The following SFMBT2 variants were observed in gnomAD, a reference collection of about 807,000 sequenced individuals.
SFMBT2 encodes scm-like with four MBT domains protein 2.
SFMBT2 carries 38 observed loss-of-function variants against 110.1 expected under a neutral mutation model. The observed-to-expected ratio is 0.35, with a 90% CI of 0.27 to 0.45. SFMBT2 has a LOEUF of 0.45. SFMBT2 is among the 20% of genes least tolerant of loss of function. SFMBT2 has a pLI of 1.00. For missense variants in SFMBT2, 1,011 were observed against 1,094.9 expected, an observed-to-expected ratio of 0.92 and a Z score of 1.08; for synonymous variants, 425 against 425.4, an observed-to-expected ratio of 1.00 and a Z score of 0.01.
chr10:7,323,208 C>T (rs1351227298), intron 4 of SFMBT2, among the ~76,000 whole-genome samples: 1 of 152,004 alleles, frequency 6.6e-6, no homozygotes, highest in East Asian at 1.9e-4. Context: ...AATCCCAGCA[C>T]TTTGGGAGGC....
At chr10:7,359,532 G>A (rs1844646965) in intron 4 of SFMBT2, among the ~76,000 whole-genome samples, 1 of 152,224 alleles carries the variant, frequency 6.6e-6, no homozygotes. Flanking sequence ...TTGCTGGGTT[G>A]AGAAGCAGGA....
intron 15 of SFMBT2, among the ~76,000 whole-genome samples, chr10:7,189,725 C>T (rs1352240677): frequency 2.0e-5 from 3 of 152,296 alleles, no homozygotes; most frequent in East Asian, 1.9e-4. Context: ...TCCTGCAGGC[C>T]GTCCGGGTGC....
intron 4 of SFMBT2, among the ~76,000 whole-genome samples, chr10:7,356,939 G>C (rs954091949): frequency 6.6e-6 from 1 of 152,076 alleles, no homozygotes; most frequent in Non-Finnish European, 1.5e-5. Context: ...TACCCACTTC[G>C]TATTGGTTTT....
intron 1 of SFMBT2, among the ~76,000 whole-genome samples, chr10:7,387,305 G>C (rs986997200): frequency 6.6e-6 from 1 of 152,142 alleles, no homozygotes; most frequent in Non-Finnish European, 1.5e-5. Context: ...AGACAGATAA[G>C]TGCTGATACC....
intron 14 of SFMBT2, among the ~76,000 whole-genome samples, chr10:7,199,690 T>G (rs1838892230): frequency 6.6e-6 from 1 of 152,228 alleles, no homozygotes; most frequent in South Asian, 2.1e-4. Context: ...TTACCAGGCC[T>G]GCAGAAAAAC....
At chr10:7,268,389 G>T (rs1841460943) in intron 7 of SFMBT2, among the ~76,000 whole-genome samples, 2 of 152,164 alleles carry the variant, frequency 1.3e-5, no homozygotes, top group African/African-American at 4.8e-5. Flanking sequence ...AAAATAAAAA[G>T]CTTTTATGGA....
At chr10:7,388,710 A>T (rs1845688654) in intron 1 of SFMBT2, among the ~76,000 whole-genome samples, 1 of 151,900 alleles carries the variant, frequency 6.6e-6, no homozygotes. Flanking sequence ...ACAGTCAGGC[A>T]AGACCTCAGG....
chr10:7,236,470 G>A (rs1395995419), intron 9 of SFMBT2, among the ~76,000 whole-genome samples: 2 of 152,100 alleles, frequency 1.3e-5, no homozygotes, highest in Non-Finnish European at 2.9e-5. Context: ...AAAAGAACAG[G>A]GTTAAGAGTC....
At position 7,162,548 on chromosome 10, in the gene SFMBT2, C is replaced by G. The variant is rs1176728935; in HGVS notation, c.*1222G>C. The G allele has an allele frequency of 6.6e-6, 1 of 152,276 alleles. No homozygotes were observed. The highest frequency in any genetic ancestry group is 2.4e-5 in the African/African-American group (1 of 41,466). The allele number at this position is 152,276 out of a possible 1,614,324, so 9.4% of individuals were successfully genotyped here. On this transcript the variant is annotated 3_prime_UTR_variant, in exon 21 of 21. Transcript: ENST00000397167. ...GGCAGAACGAGACAGAAGGGACGCTCAGAGGGACTCCTGCTCGGTGACCTG... is the reference window on the plus strand; with the variant it reads ...GGCAGAACGAGACAGAAGGGACGCTGAGAGGGACTCCTGCTCGGTGACCTG...
At chr10:7,214,271 G>T (rs1006819645) in intron 11 of SFMBT2, among the ~76,000 whole-genome samples, 7 of 152,238 alleles carry the variant, frequency 4.6e-5, no homozygotes, top group Admixed American at 1.3e-4. Context: ...CACTGCAGCA[G>T]GTGAAGAGAG....
At chr10:7,284,443 T>C (rs987813101) in intron 5 of SFMBT2, 23 of 1,121,024 alleles carry the variant, frequency 2.1e-5, no homozygotes, top group African/African-American at 3.3e-5. Flanking sequence ...CCAGATAAAA[T>C]TGCTTTTGTT....
intron 7 of SFMBT2, among the ~76,000 whole-genome samples, chr10:7,276,669 C>T (rs1017757639): frequency 1.3e-5 from 2 of 152,132 alleles, no homozygotes; most frequent in Middle Eastern, 3.2e-3. Context: ...GCTGGGATTA[C>T]AGGCACACAC....
intron 4 of SFMBT2, among the ~76,000 whole-genome samples, chr10:7,303,087 T>C (rs1842597906): frequency 6.6e-6 from 1 of 152,228 alleles, no homozygotes; most frequent in Admixed American, 6.5e-5. Flanking sequence ...CCTGCTTTAT[T>C]TCATAACCAG....
intron 1 of SFMBT2, among the ~76,000 whole-genome samples, chr10:7,409,140 C>A (rs939273764): frequency 2.6e-5 from 4 of 151,270 alleles, no homozygotes; most frequent in Admixed American, 2.6e-4. Context: ...GGTCCCGGTC[C>A]CCCACCTCCC....
intron 9 of SFMBT2, among the ~76,000 whole-genome samples, chr10:7,232,716 T>G (rs901832203): frequency 6.6e-6 from 1 of 152,264 alleles, no homozygotes; most frequent in African/African-American, 2.4e-5. Context: ...CTTTCTTCTT[T>G]GACCTCTTTG....
intron 9 of SFMBT2, among the ~76,000 whole-genome samples, chr10:7,242,357 G>A (rs1291227487): frequency 2.6e-5 from 4 of 152,146 alleles, no homozygotes; most frequent in East Asian, 1.9e-4. Context: ...AGTCCTCACC[G>A]CTACCAGGGG....
chr10:7,237,392 A>G (rs924316110), intron 9 of SFMBT2, among the ~76,000 whole-genome samples: 1 of 152,278 alleles, frequency 6.6e-6, no homozygotes, highest in African/African-American at 2.4e-5. Context: ...ATGTTAATAA[A>G]TAAAAAGTTA....
chr10:7,250,699 C>A (rs1255595387), intron 7 of SFMBT2, among the ~76,000 whole-genome samples: 2 of 152,210 alleles, frequency 1.3e-5, no homozygotes, highest in African/African-American at 4.8e-5. Context: ...TTCCCACCAG[C>A]AGTGTGTAAG....
intron 7 of SFMBT2, among the ~76,000 whole-genome samples, chr10:7,267,789 C>G (rs1256791157): frequency 6.6e-6 from 1 of 152,216 alleles, no homozygotes; most frequent in South Asian, 2.1e-4. Flanking sequence ...CCAACAATTT[C>G]CCTTCTTTAA....
Sources: allele counts gnomAD v4.1 joint callset (sites outside exome capture counted in the v4.1 genomes callset), GRCh38; gene constraint gnomAD v4.1.1; transcripts MANE v1.5; gene names NCBI Gene and HGNC (gene_info 2026-07-23, HGNC 2026-07-21).